The following KLHL4 variants were observed in gnomAD, a reference collection of about 807,000 sequenced individuals.
KLHL4 encodes kelch like family member 4, also known as kelch-like protein 4.
In KLHL4, 17 loss-of-function variants were observed where a neutral mutation model predicts 45.8. That is an observed-to-expected ratio of 0.37 (90% CI 0.25 to 0.56). The LOEUF (loss-of-function observed/expected upper bound fraction) is 0.56, where lower values mean the gene tolerates loss of function less well. KLHL4 is among the 20% of genes least tolerant of loss of function. The pLI is 0.79. For missense variants in KLHL4, 544 were observed against 544.9 expected (o/e 1.00, Z 0.02); for synonymous variants, 224 against 189.9 (o/e 1.18, Z -1.47).
At chrX:87,608,919 C>G (rs936494131) in intron 1 of KLHL4, among the ~76,000 whole-genome samples, 9 of 110,173 alleles carry the variant, frequency 8.2e-5, no homozygotes, top group Admixed American at 6.8e-4. Flanking sequence ...CTGCTCCCCC[C>G]ACCCCACAAC....
At position 87,636,692 on chromosome X, in the gene KLHL4, T is replaced by C. The variant is rs185623544; in HGVS notation, c.1925+917T>C. On this transcript the variant is annotated intron_variant, in intron 9 of 10. Coordinates refer to ENST00000373119, the MANE Select transcript of KLHL4 (RefSeq NM_019117.5). The stretch of plus-strand genomic sequence containing the variant: ...GGCTGCATGGGAGCTGGGTGAGGCC[T>C]GTGGCTGCCAGCTTTCCCCCACTTT... Among the ~76,000 whole-genome samples, 455 of 110,054 alleles carry C rather than the reference T, an allele frequency of 4.1e-3. 1 individual carries two copies. The highest frequency in any genetic ancestry group is 6.2e-3 in the Non-Finnish European group (329 of 52,649).
chrX:87,627,949 C>A (rs756029281), intron 6 of KLHL4, among the ~76,000 whole-genome samples: 1 of 110,722 alleles, frequency 9.0e-6, no homozygotes, highest in Non-Finnish European at 1.9e-5. Flanking sequence ...TCTATAACTC[C>A]TTATCAGTCT....
At chrX:87,536,472 T>G (rs1931430111) in intron 1 of KLHL4, among the ~76,000 whole-genome samples, 1 of 110,948 alleles carries the variant, frequency 9.0e-6, no homozygotes, top group Non-Finnish European at 1.9e-5. Flanking sequence ...AGTAAGAGTG[T>G]GATTGTCATG....
intron 1 of KLHL4, among the ~76,000 whole-genome samples, chrX:87,574,874 G>C (rs1921046634): frequency 9.0e-6 from 1 of 111,731 alleles, no homozygotes; most frequent in African/African-American, 3.3e-5. Context: ...GTGTGCCACT[G>C]TTCTGTAAAG....
chrX:87,611,363 C>T (rs1040440885), intron 1 of KLHL4, among the ~76,000 whole-genome samples: 6 of 110,941 alleles, frequency 5.4e-5, no homozygotes, highest in Admixed American at 9.7e-5. Context: ...AGATCAAATA[C>T]TCTGGGACAT....
At chrX:87,534,966 G>A (rs1931398394) in intron 1 of KLHL4, among the ~76,000 whole-genome samples, 1 of 111,786 alleles carries the variant, frequency 8.9e-6, no homozygotes, top group South Asian at 3.7e-4. Context: ...AAGTTTGATG[G>A]CACTTTGTAT....
chrX:87,642,757 C>T (rs1170042425), intron 9 of KLHL4, among the ~76,000 whole-genome samples: 13 of 111,396 alleles, frequency 1.2e-4, no homozygotes, highest in African/African-American at 3.6e-4. Flanking sequence ...TGTGAAATGC[C>T]CTGGAAAGTC....
chrX:87,648,178 A>T (rs970684043), intron 9 of KLHL4, among the ~76,000 whole-genome samples: 3 of 111,262 alleles, frequency 2.7e-5, no homozygotes, highest in Admixed American at 9.6e-5. Flanking sequence ...AAGACAGAAA[A>T]ACTGTATACA....
intron 1 of KLHL4, among the ~76,000 whole-genome samples, chrX:87,553,542 C>T (rs1931886060): frequency 9.1e-6 from 1 of 110,400 alleles, no homozygotes; most frequent in East Asian, 2.8e-4. Context: ...TACAGGTAAA[C>T]CTCAATATGA....
At chrX:87,532,215 C>G (rs1209178663) in intron 1 of KLHL4, among the ~76,000 whole-genome samples, 1 of 109,061 alleles carries the variant, frequency 9.2e-6, no homozygotes, top group East Asian at 2.9e-4. Context: ...GCTTGTTTTT[C>G]TCAGGTTTGT....
Position 87,550,345 on chromosome X carries a change from G to A in KLHL4, c.422+32030G>A, listed in dbSNP as rs763118745. Among the ~76,000 whole-genome samples, 9 of 110,890 alleles carry A rather than the reference G, an allele frequency of 8.1e-5. No homozygotes were observed. In the South Asian group the frequency reaches 3.0e-3, roughly 37 times the overall value. On this transcript the variant is annotated intron_variant, in intron 1 of 10. Coordinates refer to ENST00000373119, the MANE Select transcript of KLHL4 (RefSeq NM_019117.5). ...TCTGAACTGACCAATAACAAGCAGC[G>A]AGATTGAAATGGTAATTTAATAATT...
At chrX:87,568,640 A>T (rs1476401285) in intron 1 of KLHL4, among the ~76,000 whole-genome samples, 2 of 110,824 alleles carry the variant, frequency 1.8e-5, no homozygotes, top group Non-Finnish European at 3.8e-5. Flanking sequence ...TACTTTCATA[A>T]GGATAGACAT....
At chrX:87,578,752 A>C (rs967542476) in intron 1 of KLHL4, among the ~76,000 whole-genome samples, 1 of 112,137 alleles carries the variant, frequency 8.9e-6, no homozygotes, top group African/African-American at 3.2e-5. Flanking sequence ...TTGGTGTGCC[A>C]CTCAAGACAG....
chrX:87,532,760 C>G (rs1257005593), intron 1 of KLHL4, among the ~76,000 whole-genome samples: 1 of 108,868 alleles, frequency 9.2e-6, no homozygotes, highest in Admixed American at 1.0e-4. Context: ...TATAAGAATG[C>G]TTGTGATTTT....
Position 87,555,863 on chromosome X carries a change from T to G in KLHL4, c.422+37548T>G, listed in dbSNP as rs772889125. Among the ~76,000 whole-genome samples, 366 of 110,802 alleles carry G rather than the reference T, an allele frequency of 3.3e-3. 6 individuals are homozygous for G. In the South Asian group the frequency reaches 0.045, roughly 14 times the overall value. ...TTTCTCTTGTGGGCATTTAGTGCTA[T>G]AAATTTCCCTTTACACACTGCTTTG... On this transcript the variant is annotated intron_variant, in intron 1 of 10. Transcript: ENST00000373119.
intron 1 of KLHL4, among the ~76,000 whole-genome samples, chrX:87,518,564 C>A (rs1457227097): frequency 9.0e-6 from 1 of 111,577 alleles, no homozygotes; most frequent in Non-Finnish European, 1.9e-5. Flanking sequence ...ATTAAGAATT[C>A]TGTTTCAATT....
In KLHL4 at chrX:87,666,673, G is replaced by A; in HGVS notation, c.*139G>A. 1.0e-6 allele frequency: 1 copy of A among 994,598 alleles called. No homozygotes were observed. The highest frequency in any genetic ancestry group is 3.7e-5 in the South Asian group (1 of 26,719). The allele number at this position is 994,598 out of a possible 1,213,427, so 82.0% of individuals were successfully genotyped here. A position where few individuals can be genotyped will look rare whatever the true frequency, so the allele number is the denominator to read the frequency against. ...AATTGTTGTATCATTTTAATTTGTAGTTACAATTGCTTTCATTCGTGAAGC... is the reference window on the plus strand; with the variant it reads ...AATTGTTGTATCATTTTAATTTGTAATTACAATTGCTTTCATTCGTGAAGC... On this transcript the variant is annotated 3_prime_UTR_variant, in exon 11 of 11. Coordinates refer to ENST00000373119, the MANE Select transcript of KLHL4 (RefSeq NM_019117.5).
At chrX:87,601,967 T>C (rs1206843095) in intron 1 of KLHL4, among the ~76,000 whole-genome samples, 1 of 110,558 alleles carries the variant, frequency 9.0e-6, no homozygotes, top group African/African-American at 3.3e-5. Context: ...CTTGACTCAG[T>C]TTAGATCTAG....
intron 9 of KLHL4, among the ~76,000 whole-genome samples, chrX:87,638,335 C>T (rs1393637791): frequency 9.0e-6 from 1 of 111,424 alleles, no homozygotes; most frequent in African/African-American, 3.3e-5. Flanking sequence ...ACACAAGAAG[C>T]TCAAAGAACA....
Sources: allele counts gnomAD v4.1 joint callset (sites outside exome capture counted in the v4.1 genomes callset), GRCh38; gene constraint gnomAD v4.1.1; transcripts MANE v1.5; gene names NCBI Gene and HGNC (gene_info 2026-07-23, HGNC 2026-07-21).